HS3ST4: variants seen among roughly 807,000 people sequenced by gnomAD.
The protein encoded by HS3ST4 is heparan sulfate glucosamine 3-O-sulfotransferase 4.
A neutral mutation model predicts 29.2 loss-of-function variants in HS3ST4; 17 were observed. The observed-to-expected ratio is 0.58, with a 90% confidence interval of 0.40 to 0.87. HS3ST4 has a LOEUF of 0.87. HS3ST4 is among the 40% of genes least tolerant of loss of function. The pLI is 0.00. For synonymous variants in HS3ST4, 314 were observed against 285.7 expected (o/e 1.10, Z -1.00); for missense variants, 627 against 634.5 (o/e 0.99, Z 0.13).
At chr16:26,017,760 G>T (rs761026540) in intron 1 of HS3ST4, among the ~76,000 whole-genome samples, 5 of 152,164 alleles carry the variant, frequency 3.3e-5, no homozygotes, top group Non-Finnish European at 5.9e-5. Flanking sequence ...GCAGTCCCCT[G>T]ATGAATAGGG....
Position 25,828,293 on chromosome 16 carries a change from T to C in HS3ST4, c.734+135142T>C, listed in dbSNP as rs1406595291. On this transcript the variant is annotated intron_variant, in intron 1 of 1. Transcript: ENST00000331351. Reference sequence around the variant, plus strand: ...CTTTCTTTCTTTCTTTCTTTCTTTCTTTCTTTCCCTCTCTCTCTCTCTCTC... The same window carrying C: ...CTTTCTTTCTTTCTTTCTTTCTTTCCTTCTTTCCCTCTCTCTCTCTCTCTC... Among the ~76,000 whole-genome samples, 265 of 76,588 alleles carry C rather than the reference T, an allele frequency of 3.5e-3. 2 individuals carry two copies. The highest frequency in any genetic ancestry group is 4.9e-3 in the Non-Finnish European group (193 of 39,194). 50.2% of individuals were successfully genotyped at this position (76,588 alleles called of 152,430 possible). A position where few individuals can be genotyped will look rare whatever the true frequency, so the allele number is the denominator to read the frequency against.
intron 1 of HS3ST4, among the ~76,000 whole-genome samples, chr16:25,889,191 A>G (rs1445344477): frequency 6.6e-6 from 1 of 152,212 alleles, no homozygotes; most frequent in African/African-American, 2.4e-5. Flanking sequence ...GCAGATAGCA[A>G]CACTTCCGGA....
In HS3ST4 at chr16:25,807,004, C is replaced by T. The variant is rs1966996625; in HGVS notation, c.734+113853C>T. Among the ~76,000 whole-genome samples the T allele has an allele frequency of 2.6e-5, 4 of 152,108 alleles. No homozygotes were observed. The South Asian group carries it at 8.3e-4, about 32-fold the overall frequency. On this transcript the variant is annotated intron_variant, in intron 1 of 1. Coordinates refer to ENST00000331351, the MANE Select transcript of HS3ST4 (RefSeq NM_006040.3). ...TGTTTTGTTTTGAGAGGGAGTTTCACTCTTGTTGCTCAGGCTGGAGTGCAA... is the reference window on the plus strand; with the variant it reads ...TGTTTTGTTTTGAGAGGGAGTTTCATTCTTGTTGCTCAGGCTGGAGTGCAA...
chr16:25,967,185 C>T (rs909956477), intron 1 of HS3ST4, among the ~76,000 whole-genome samples: 1 of 152,250 alleles, frequency 6.6e-6, no homozygotes, highest in Admixed American at 6.5e-5. Flanking sequence ...GAATCTCGCT[C>T]GCTCTATTAC....
At chr16:26,067,337 G>A (rs1005350556) in intron 1 of HS3ST4, among the ~76,000 whole-genome samples, 12 of 152,036 alleles carry the variant, frequency 7.9e-5, no homozygotes, top group African/African-American at 2.9e-4. Context: ...TGCATAATCT[G>A]AGCGCTAAAA....
chr16:25,721,150 GTGTT>G (rs1254762084), intron 1 of HS3ST4, among the ~76,000 whole-genome samples: 4 of 152,210 alleles, frequency 2.6e-5, no homozygotes. Flanking sequence ...TGAGGGAAGA[GTGTT>G]TGGGCATAAG....
chr16:26,126,958 T>A (rs1041227544), intron 1 of HS3ST4, among the ~76,000 whole-genome samples: 2 of 151,900 alleles, frequency 1.3e-5, no homozygotes, highest in South Asian at 2.1e-4. Context: ...TCCCTGGAGA[T>A]AAAAATTAGC....
chr16:25,732,253 T>C (rs924786776), intron 1 of HS3ST4, among the ~76,000 whole-genome samples: 9 of 152,174 alleles, frequency 5.9e-5, no homozygotes, highest in African/African-American at 2.2e-4. Context: ...TGGCATCAAA[T>C]AAGCATTAGT....
intron 1 of HS3ST4, among the ~76,000 whole-genome samples, chr16:25,838,054 G>A (rs567259629): frequency 2.6e-5 from 4 of 152,312 alleles, no homozygotes; most frequent in South Asian, 4.1e-4. Flanking sequence ...TGCAGAGAAC[G>A]GACCCTGGAA....
chr16:26,005,680 G>A (rs1969251212), intron 1 of HS3ST4, among the ~76,000 whole-genome samples: 1 of 151,596 alleles, frequency 6.6e-6, no homozygotes, highest in Non-Finnish European at 1.5e-5. Context: ...GGTGTCCCTG[G>A]CAGAGGATAG....
At chr16:26,049,454 T>C (rs964455756) in intron 1 of HS3ST4, among the ~76,000 whole-genome samples, 1 of 147,384 alleles carries the variant, frequency 6.8e-6, no homozygotes, top group Non-Finnish European at 1.5e-5. Context: ...CTAGTTGCAG[T>C]GGGGAATGCG....
intron 1 of HS3ST4, among the ~76,000 whole-genome samples, chr16:26,015,899 G>T (rs775771196): frequency 2.0e-5 from 3 of 152,044 alleles, no homozygotes; most frequent in Non-Finnish European, 4.4e-5. Flanking sequence ...CCACCCAGAG[G>T]CATTTATCAA....
intron 1 of HS3ST4, among the ~76,000 whole-genome samples, chr16:25,936,850 A>G (rs1169500990): frequency 6.6e-6 from 1 of 152,264 alleles, no homozygotes; most frequent in Non-Finnish European, 1.5e-5. Flanking sequence ...TTTGTAGCAT[A>G]ATATAATTTC....
chr16:26,111,708 A>G (rs1423237262), intron 1 of HS3ST4, among the ~76,000 whole-genome samples: 1 of 152,140 alleles, frequency 6.6e-6, no homozygotes, highest in Non-Finnish European at 1.5e-5. Flanking sequence ...ATATTTTATA[A>G]TGAAAATGTT....
intron 1 of HS3ST4, among the ~76,000 whole-genome samples, chr16:25,990,199 G>T (rs1305166357): frequency 6.6e-6 from 1 of 152,176 alleles, no homozygotes; most frequent in African/African-American, 2.4e-5. Flanking sequence ...GGCAATTAGT[G>T]CTTTAGCTGC....
intron 1 of HS3ST4, among the ~76,000 whole-genome samples, chr16:26,037,814 T>G (rs1275878780): frequency 6.6e-6 from 1 of 152,044 alleles, no homozygotes; most frequent in Non-Finnish European, 1.5e-5. Context: ...GGCACAAGAG[T>G]GGCCCACATG....
Position 26,120,093 on chromosome 16 carries a change from A to G in HS3ST4, c.735-15519A>G, listed in dbSNP as rs72780078. ...TGTATGTGTGTGTGTGTGTGTGTGT[A>G]TATGTGTGTGACAGATACTCTACAG... is the stretch of plus-strand genomic sequence containing the variant. On this transcript the variant is annotated intron_variant, in intron 1 of 1. Coordinates refer to ENST00000331351, the MANE Select transcript of HS3ST4 (RefSeq NM_006040.3). Among the ~76,000 whole-genome samples, 400 of 60,710 alleles carry G rather than the reference A, an allele frequency of 6.6e-3. 2 individuals are homozygous for G. Among genetic ancestry groups the G allele is most frequent in the South Asian group, 0.027 (45 of 1,652 alleles). 39.8% of individuals were successfully genotyped at this position (60,710 alleles called of 152,430 possible). A position where few individuals can be genotyped will look rare whatever the true frequency, so the allele number is the denominator to read the frequency against.
chr16:26,003,563 G>C (rs890227936), intron 1 of HS3ST4, among the ~76,000 whole-genome samples: 1 of 152,182 alleles, frequency 6.6e-6, no homozygotes, highest in African/African-American at 2.4e-5. Context: ...GATGCCCCCA[G>C]TTTAGCAATC....
At chr16:25,867,139 C>T (rs1482512562) in intron 1 of HS3ST4, among the ~76,000 whole-genome samples, 5 of 152,152 alleles carry the variant, frequency 3.3e-5, no homozygotes, top group Non-Finnish European at 7.4e-5. Context: ...TGCTTAAAAT[C>T]CTATCGTCTA....
Sources: gnomAD v4.1 joint callset for allele counts (sites outside exome capture counted in the v4.1 genomes callset) on GRCh38, gnomAD v4.1.1 for gene constraint, MANE v1.5 for transcripts, NCBI Gene and HGNC (gene_info 2026-07-23, HGNC 2026-07-21) for gene names.